The following CNTN5 variants were observed in gnomAD, a reference collection of about 807,000 sequenced individuals.
CNTN5 encodes contactin 5, also known as contactin-5.
A neutral mutation model predicts 129.1 loss-of-function variants in CNTN5; 77 were observed. That is an observed-to-expected ratio of 0.60 (90% CI 0.50 to 0.72). The LOEUF (loss-of-function observed/expected upper bound fraction) is 0.72, where lower values mean the gene tolerates loss of function less well. Among genes scored for constraint, CNTN5 ranks in the 30% least tolerant of loss-of-function variants. CNTN5 has a pLI of 0.00. For synonymous variants in CNTN5, 509 were observed against 465.6 expected (o/e 1.09, Z -1.20); for missense variants, 1,478 against 1,328.8 (o/e 1.11, Z -1.75).
intron 9 of CNTN5, among the ~76,000 whole-genome samples, chr11:100,023,378 C>T (rs945448836): frequency 3.3e-5 from 5 of 151,942 alleles, no homozygotes; most frequent in African/African-American, 9.7e-5. Context: ...TTAGGCTGAC[C>T]GCAAAAGTGA....
chr11:99,634,982 G>C (rs1330170230), intron 3 of CNTN5, among the ~76,000 whole-genome samples: 1 of 152,110 alleles, frequency 6.6e-6, no homozygotes, highest in Non-Finnish European at 1.5e-5. Flanking sequence ...TAGATAAATA[G>C]AAGACAAAAT....
rs118041610 is a variant in CNTN5 at position 99,680,473 on chromosome 11, C to T, written c.55+124204C>T. ...AAATGAAATTACAAAGTGTGGATGA[C>T]AGCACATCTGTTTATAGCATGGTTT... On this transcript the variant is annotated intron_variant, in intron 3 of 24. Coordinates refer to ENST00000524871, the MANE Select transcript of CNTN5 (RefSeq NM_014361.4). Among the ~76,000 whole-genome samples the T allele has an allele frequency of 7.6e-4, 115 of 151,748 alleles. 1 individual carries two copies. In the East Asian group the frequency reaches 0.015, roughly 20 times the overall value.
chr11:99,483,243 AG>A (rs1483833811), intron 2 of CNTN5, among the ~76,000 whole-genome samples: 1 of 151,474 alleles, frequency 6.6e-6, no homozygotes, highest in Non-Finnish European at 1.5e-5. Context: ...TGCACTTGGA[AG>A]AGGGCCAAGC....
At chr11:100,028,944 A>T (rs1941565513) in intron 9 of CNTN5, among the ~76,000 whole-genome samples, 1 of 152,206 alleles carries the variant, frequency 6.6e-6, no homozygotes, top group African/African-American at 2.4e-5. Flanking sequence ...GCTGCTGTTA[A>T]TACTTAAAAT....
intron 1 of CNTN5, among the ~76,000 whole-genome samples, chr11:99,142,174 C>T (rs1019642908): frequency 6.6e-6 from 1 of 152,068 alleles, no homozygotes; most frequent in African/African-American, 2.4e-5. Flanking sequence ...TGAGGGTAAG[C>T]ACCTGTTGCA....
intron 1 of CNTN5, among the ~76,000 whole-genome samples, chr11:99,234,395 T>C (rs984664706): frequency 5.3e-5 from 8 of 152,328 alleles, no homozygotes; most frequent in Admixed American, 3.3e-4. Flanking sequence ...GCTCTATTCG[T>C]AGATCTTAGC....
At chr11:99,539,658 C>T (rs539340988) in intron 2 of CNTN5, among the ~76,000 whole-genome samples, 3 of 152,058 alleles carry the variant, frequency 2.0e-5, no homozygotes, top group Non-Finnish European at 4.4e-5. Flanking sequence ...CACTATCACA[C>T]AGCCAGGAAC....
At chr11:99,116,565 C>G (rs1858056600) in intron 1 of CNTN5, among the ~76,000 whole-genome samples, 1 of 152,090 alleles carries the variant, frequency 6.6e-6, no homozygotes, top group Admixed American at 6.6e-5. Flanking sequence ...AATATTCTCT[C>G]TATATCATGG....
At chr11:100,129,476 A>G (rs1165542753) in intron 13 of CNTN5, among the ~76,000 whole-genome samples, 1 of 152,118 alleles carries the variant, frequency 6.6e-6, no homozygotes, top group Non-Finnish European at 1.5e-5. Context: ...TTGAAGACCG[A>G]AGAAAGAGAT....
intron 3 of CNTN5, among the ~76,000 whole-genome samples, chr11:99,594,571 T>C (rs1333192522): frequency 3.3e-5 from 5 of 152,138 alleles, no homozygotes; most frequent in Non-Finnish European, 7.4e-5. Context: ...TAGGATACAG[T>C]GGGATTTGTG....
chr11:100,274,450 A>C (rs889799920), intron 18 of CNTN5, among the ~76,000 whole-genome samples: 13 of 152,230 alleles, frequency 8.5e-5, no homozygotes. Flanking sequence ...ACAGAATATG[A>C]TAAAATTTTT....
intron 1 of CNTN5, among the ~76,000 whole-genome samples, chr11:99,225,759 T>A (rs1247388348): frequency 6.6e-6 from 1 of 152,196 alleles, no homozygotes; most frequent in Non-Finnish European, 1.5e-5. Flanking sequence ...TGGTTGAAAA[T>A]ATAGATGAAA....
intron 6 of CNTN5, among the ~76,000 whole-genome samples, chr11:99,882,044 T>G (rs1295884413): frequency 6.6e-6 from 1 of 152,196 alleles, no homozygotes; most frequent in Non-Finnish European, 1.5e-5. Flanking sequence ...ACTGAAATTG[T>G]GGAGAGGCAT....
intron 16 of CNTN5, among the ~76,000 whole-genome samples, chr11:100,240,688 T>C (rs1306137263): frequency 6.6e-6 from 1 of 152,172 alleles, no homozygotes; most frequent in Non-Finnish European, 1.5e-5. Context: ...AGAAAAATCA[T>C]GAGAATCTAA....
In CNTN5 at chr11:99,600,321, C is replaced by A. The variant is rs72997244; in HGVS notation, c.55+44052C>A. 5.3e-5 allele frequency among the ~76,000 whole-genome samples: 8 copies of A among 152,228 alleles called. No homozygotes were observed. In the East Asian group the frequency reaches 1.2e-3, roughly 22 times the overall value. On this transcript the variant is annotated intron_variant, in intron 3 of 24. Transcript: ENST00000524871. ...TGCTATGTGAGCAATATAAGACCAG[C>A]GTAGAAGGTTCATGTTCCCTGCTGA...
At chr11:99,634,905 A>C (rs1951495099) in intron 3 of CNTN5, among the ~76,000 whole-genome samples, 1 of 152,344 alleles carries the variant, frequency 6.6e-6, no homozygotes, top group South Asian at 2.1e-4. Flanking sequence ...GTCTAGCAAG[A>C]GACAGATATG....
At chr11:100,290,293 T>A (rs1297289996) in intron 18 of CNTN5, among the ~76,000 whole-genome samples, 1 of 152,170 alleles carries the variant, frequency 6.6e-6, no homozygotes, top group African/African-American at 2.4e-5. Context: ...GAGCCTGCAT[T>A]GCTAAGTCAA....
In CNTN5 at chr11:99,966,469, C is replaced by T. The variant is rs1277254663; in HGVS notation, c.877+9460C>T. Among the ~76,000 whole-genome samples the T allele has an allele frequency of 2.6e-5, 4 of 152,244 alleles. No individual in the cohort carries two copies. In the South Asian group the frequency reaches 6.2e-4, roughly 24 times the overall value. ...GAGCTTGAGCCCACAGGACCAGAGC[C>T]TTACAAAATGCACTCAGAATGGTCA... On this transcript the variant is annotated intron_variant, in intron 8 of 24. Coordinates refer to ENST00000524871, the MANE Select transcript of CNTN5 (RefSeq NM_014361.4).
At chr11:99,386,835 G>A (rs1018893052) in intron 2 of CNTN5, among the ~76,000 whole-genome samples, 8 of 152,120 alleles carry the variant, frequency 5.3e-5, no homozygotes, top group Non-Finnish European at 1.2e-4. Context: ...GGATGACTAA[G>A]CAATCAACAA....
Sources: gnomAD v4.1 joint callset for allele counts (sites outside exome capture counted in the v4.1 genomes callset) on GRCh38, gnomAD v4.1.1 for gene constraint, MANE v1.5 for transcripts, NCBI Gene and HGNC (gene_info 2026-07-23, HGNC 2026-07-21) for gene names.